DMBT1: variants seen among roughly 807,000 people sequenced by gnomAD.
DMBT1 encodes the protein deleted in malignant brain tumors 1.
Under a neutral mutation model 252.9 loss-of-function variants are expected in DMBT1, and 198 were observed. The observed-to-expected ratio is 0.78, with a 90% CI of 0.70 to 0.88. The LOEUF (loss-of-function observed/expected upper bound fraction) is 0.88. Among genes scored for constraint, DMBT1 ranks in the 40% least tolerant of loss-of-function variants. The probability of loss-of-function intolerance (pLI) is 0.00; values close to 1 mark genes in which losing one functional copy is unlikely to be tolerated. For synonymous variants in DMBT1, 990 were observed against 942.7 expected (o/e 1.05, Z -0.92); for missense variants, 2,432 against 2,404.7 (o/e 1.01, Z -0.24).
At chr10:122,577,989 G>A (rs1048004536) in intron 8 of DMBT1, 149 bp downstream of exon 8, 7 of 812,308 alleles carry the variant, frequency 8.6e-6, no homozygotes, top group African/African-American at 1.7e-5. Flanking sequence ...CTAGCATGGG[G>A]CTTCTTAACC....
intron 46 of DMBT1, among the ~76,000 whole-genome samples, chr10:122,629,487 A>G (rs1217931477): frequency 6.6e-6 from 1 of 152,152 alleles, no homozygotes; most frequent in African/African-American, 2.4e-5. Context: ...CACTGTGTTC[A>G]GCCAGGACTA....
In DMBT1 at chr10:122,579,656, G is replaced by A. The variant is rs928506732; in HGVS notation, c.758G>A (p.Gly253Asp). ...GGCCGAGTGGAGGTCCTATACCGAG[G>A]CTCCTGGGGCACCGTGTGTGATGAC... ...CRGRVEVLYR[G>D]SWGTVCDDYW... is the part of the protein sequence containing the mutation. The change falls in exon 10 of 56, where the codon GGC becomes GAC. Residue 253 changes from glycine (G) to aspartate (D), a missense_variant. This residue lies in a region of DMBT1 where 1,264 missense variants were observed against 1,082.2 expected (regional missense o/e 1.17). Coordinates refer to ENST00000338354, the MANE Select transcript of DMBT1 (RefSeq NM_001377530.1). The A allele has an allele frequency of 1.9e-6, 3 of 1,613,696 alleles. No individual in the cohort carries two copies. The African/African-American group carries it at 4.0e-5, about 22-fold the overall frequency.
intron 6 of DMBT1, among the ~76,000 whole-genome samples, chr10:122,575,845 T>C (rs1039532065): frequency 3.9e-5 from 6 of 152,144 alleles, no homozygotes; most frequent in Admixed American, 1.3e-4. Flanking sequence ...CCTGTGTGCT[T>C]TGGAAGCAGA....
Position 122,577,815 on chromosome 10 carries a change from C to T in DMBT1, c.612C>T (p.Ala204=). 1 of 1,613,628 alleles carries T rather than the reference C, an allele frequency of 6.2e-7. No homozygotes were observed. Among genetic ancestry groups the T allele is most frequent in the African/African-American group, 1.3e-5 (1 of 75,018 alleles). Reference sequence around the variant, plus strand: ...GTTGCTATTTTTTTCTCACAGCTGCCCAGCCTCAGTCAACACTCAGGCCAG... The same window carrying T: ...GTTGCTATTTTTTTCTCACAGCTGCTCAGCCTCAGTCAACACTCAGGCCAG... The part of the protein sequence containing the change: ...GEDAGVICSA[A]QPQSTLRPES... Residue 204 remains alanine, a synonymous_variant, in exon 8 of 56, where the codon GCC becomes GCT. Coordinates refer to ENST00000338354, the MANE Select transcript of DMBT1 (RefSeq NM_001377530.1).
chr10:122,622,938 C>T (rs2098084415), intron 44 of DMBT1, among the ~76,000 whole-genome samples: 1 of 152,208 alleles, frequency 6.6e-6, no homozygotes, highest in African/African-American at 2.4e-5. Flanking sequence ...CCCCTCTATC[C>T]TGAGATGGAA....
chr10:122,586,014 G>C, intron 15 of DMBT1, 46 bp from the exon 16 acceptor site: 1 of 1,586,240 alleles, frequency 6.3e-7, no homozygotes. Flanking sequence ...TTAGATTCTT[G>C]ACCTCATGAT....
rs143073434 is a variant in DMBT1 at position 122,630,430 on chromosome 10, C to T, written c.5965C>T (p.Arg1989Ter). Residue 1989 changes from arginine (R) to a stop codon, truncating the protein, a stop_gained, in exon 48 of 56, where the codon CGA becomes TGA. Transcript: ENST00000338354. LOFTEE classifies it high-confidence loss of function. The stretch of plus-strand genomic sequence containing the variant: ...TTACAACCGAATGACCATTCACTTT[C>T]GAAGTGACATCAGTTTCCAAAACAC... ...SSYNRMTIHF[R>*]SDISFQNTGF... is the part of the protein sequence containing the mutation. 2.9e-5 allele frequency: 46 copies of T among 1,614,006 alleles called. No homozygotes were observed. In the East Asian group the frequency reaches 7.4e-4, roughly 26 times the overall value.
intron 3 of DMBT1, among the ~76,000 whole-genome samples, chr10:122,570,540 T>C (rs1236569918): frequency 6.6e-6 from 1 of 152,256 alleles, no homozygotes; most frequent in Non-Finnish European, 1.5e-5. Flanking sequence ...GGTGAATATT[T>C]GTCATTTGAG....
Position 122,621,316 on chromosome 10 carries a change from C to T in DMBT1, c.5544C>T (p.Cys1848=), listed in dbSNP as rs2098066031. 5 of 1,613,726 alleles carry T rather than the reference C, an allele frequency of 3.1e-6. No homozygotes were observed. The highest frequency in any genetic ancestry group is 3.4e-6 in the Non-Finnish European group (4 of 1,179,758). Residue 1848 remains cysteine (C), a synonymous_variant, in exon 44 of 56, where the codon TGC becomes TGT. Coordinates refer to ENST00000338354, the MANE Select transcript of DMBT1 (RefSeq NM_001377530.1). ...CSGNESYLWS[C]PHKGWLTHNC... The stretch of plus-strand genomic sequence containing the variant: ...GGAATGAGTCCTACCTGTGGAGCTG[C>T]CCCCACAAAGGCTGGCTCACCCACA...
chr10:122,590,495 A>G (rs918577824), intron 17 of DMBT1, among the ~76,000 whole-genome samples, 170 bp from the exon 18 acceptor site: 1 of 148,676 alleles, frequency 6.7e-6, no homozygotes, highest in African/African-American at 2.4e-5. Context: ...AGATCTGCCC[A>G]GATGCCTTTC....
intron 26 of DMBT1, 61 bp downstream of exon 26, chr10:122,599,158 C>G (rs1253595348): frequency 3.1e-6 from 5 of 1,612,060 alleles, no homozygotes; most frequent in Non-Finnish European, 4.2e-6. Flanking sequence ...GAAGAAACTC[C>G]TAATTACATT....
At chr10:122,566,975 C>T (rs552509595) in intron 2 of DMBT1, among the ~76,000 whole-genome samples, 1 of 152,316 alleles carries the variant, frequency 6.6e-6, no homozygotes, top group African/African-American at 2.4e-5. Context: ...TACCCCTGCC[C>T]TGGTCTTTGA....
intron 43 of DMBT1, 119 bp downstream of exon 43, chr10:122,620,410 T>A (rs1301437253): frequency 7.9e-7 from 1 of 1,260,934 alleles, no homozygotes; most frequent in Admixed American, 2.0e-5. Context: ...TTCCGCGAGT[T>A]GCCTGGGGAG....
At position 122,576,465 on chromosome 10, in the gene DMBT1, T is replaced by A; in HGVS notation, c.350T>A (p.Ile117Asn). The change falls in exon 7 of 56, where the codon ATC becomes AAC. Residue 117 changes from isoleucine (I) to asparagine (N), a missense_variant. Ile to Asn is a moderately radical substitution (Grantham distance 149). Coordinates refer to ENST00000338354, the MANE Select transcript of DMBT1 (RefSeq NM_001377530.1). ...GGCAGGTGTCAGGGCCGAGTGGAGA[T>A]CCTATACCGAGGCTCCTGGGGCACC... ...GDGRCQGRVEILYRGSWGTVC... is the reference protein window; with the variant it reads ...GDGRCQGRVENLYRGSWGTVC... The A allele has an allele frequency of 6.2e-7, 1 of 1,613,872 alleles. No individual in the cohort carries two copies. Among genetic ancestry groups the A allele is most frequent in the Non-Finnish European group, 8.5e-7 (1 of 1,179,836 alleles).
chr10:122,618,248 C>T lies in DMBT1; in HGVS notation c.5123C>T (p.Ser1708Leu). 1 of 1,613,762 alleles carries T rather than the reference C, an allele frequency of 6.2e-7. No individual in the cohort carries two copies. Among genetic ancestry groups the T allele is most frequent in the East Asian group, 2.2e-5 (1 of 44,854 alleles). Residue 1708 changes from serine to leucine, a missense_variant, in exon 41 of 56, where the codon TCA becomes TTA. Around this residue, in one of 3 missense-constraint regions of DMBT1, gnomAD observed 1,162 missense variants for 1,169.0 expected, o/e 0.99. Coordinates refer to ENST00000338354, the MANE Select transcript of DMBT1 (RefSeq NM_001377530.1). ...GPIVLDDVRCSGHESYLWSCP... is the reference protein window; with the variant it reads ...GPIVLDDVRCLGHESYLWSCP... ...ATTGTCCTGGATGATGTGCGCTGCT[C>T]AGGACACGAGTCTTACCTGTGGAGC...
chr10:122,641,049 T>C (rs1591631485), intron 55 of DMBT1, among the ~76,000 whole-genome samples: 1 of 152,314 alleles, frequency 6.6e-6, no homozygotes, highest in South Asian at 2.1e-4. Flanking sequence ...ACCAGGAATG[T>C]GCACTGAAGA....
At chr10:122,573,140 A>T (rs1233484588) in intron 5 of DMBT1, among the ~76,000 whole-genome samples, 1 of 152,184 alleles carries the variant, frequency 6.6e-6, no homozygotes, top group African/African-American at 2.4e-5. Context: ...CAACTCTGTC[A>T]TTTGGAGTGT....
chr10:122,570,044 A>G, intron 2 of DMBT1, 118 bp from the exon 3 acceptor site: 2 of 954,474 alleles, frequency 2.1e-6, no homozygotes, highest in East Asian at 4.8e-5. Flanking sequence ...GCTTTTAGCA[A>G]TGGAGGGTGC....
chr10:122,601,044 T>C (rs762866467), intron 28 of DMBT1, 21 bp downstream of exon 28: 1 of 831,592 alleles, frequency 1.2e-6, no homozygotes, highest in East Asian at 2.5e-5. Context: ...CTCTCACCCC[T>C]CCCTAGGGCT....
Sources: allele counts gnomAD v4.1 joint callset (sites outside exome capture counted in the v4.1 genomes callset), GRCh38; gene constraint gnomAD v4.1.1; regional missense constraint gnomAD v4.1.1; transcripts MANE v1.5; gene names NCBI Gene and HGNC (gene_info 2026-07-23, HGNC 2026-07-21).